ADGRL3: variants seen among roughly 807,000 people sequenced by gnomAD.
The protein encoded by ADGRL3 is adhesion G protein-coupled receptor L3.
ADGRL3 carries 62 observed loss-of-function variants against 153.5 expected under a neutral mutation model. The ratio of observed to expected loss-of-function variants is 0.40; its 90% CI spans 0.33 to 0.50. The LOEUF is 0.50. Among genes scored for constraint, ADGRL3 ranks in the 20% least tolerant of loss-of-function variants. ADGRL3 has a pLI of 0.47. For missense variants in ADGRL3, 1,641 were observed against 1,859.4 expected (o/e 0.88, Z 2.16); for synonymous variants, 710 against 672.5 (o/e 1.06, Z -0.86).
intron 2 of ADGRL3, among the ~76,000 whole-genome samples, chr4:61,494,871 T>C (rs1046153211): frequency 3.3e-5 from 5 of 152,172 alleles, no homozygotes; most frequent in Non-Finnish European, 5.9e-5. Flanking sequence ...AGTTAAATTA[T>C]CAAATGATCT....
At chr4:61,314,660 C>T (rs532585809) in intron 1 of ADGRL3, among the ~76,000 whole-genome samples, 1 of 152,142 alleles carries the variant, frequency 6.6e-6, no homozygotes, top group Non-Finnish European at 1.5e-5. Context: ...TTACTTCTGG[C>T]CCAGTGATTC....
intron 5 of ADGRL3, among the ~76,000 whole-genome samples, chr4:61,588,931 T>C (rs920795402): frequency 1.3e-5 from 2 of 152,114 alleles, no homozygotes; most frequent in Non-Finnish European, 2.9e-5. Context: ...TGCCTTTCTC[T>C]GATTCATTTT....
intron 2 of ADGRL3, among the ~76,000 whole-genome samples, chr4:61,472,206 A>G (rs1323153468): frequency 6.6e-6 from 1 of 152,168 alleles, no homozygotes; most frequent in Non-Finnish European, 1.5e-5. Context: ...ATAAGTGTTT[A>G]AACAATTACA....
chr4:61,703,213 T>C (rs114191982), intron 6 of ADGRL3, among the ~76,000 whole-genome samples: 2 of 152,236 alleles, frequency 1.3e-5, no homozygotes, highest in Non-Finnish European at 2.9e-5. Flanking sequence ...ATAGTATCTA[T>C]CTTATAAAAT....
intron 1 of ADGRL3, among the ~76,000 whole-genome samples, chr4:61,305,052 T>C (rs1030004608): frequency 1.3e-5 from 2 of 152,332 alleles, no homozygotes; most frequent in South Asian, 2.1e-4. Context: ...GAGAAGACTG[T>C]TTTATTCAAA....
intron 9 of ADGRL3, among the ~76,000 whole-genome samples, chr4:61,833,255 T>C (rs1278291828): frequency 6.6e-6 from 1 of 152,134 alleles, no homozygotes; most frequent in Admixed American, 6.6e-5. Context: ...TGGTTTATTT[T>C]GCATTAAAAA....
intron 4 of ADGRL3, among the ~76,000 whole-genome samples, chr4:61,537,606 G>T (rs1206327778): frequency 6.6e-6 from 1 of 151,734 alleles, no homozygotes; most frequent in Non-Finnish European, 1.5e-5. Context: ...TAATTCAAAA[G>T]ACAGGGCTCC....
intron 21 of ADGRL3, among the ~76,000 whole-genome samples, chr4:62,003,942 G>C (rs1025180683): frequency 1.2e-4 from 18 of 152,006 alleles, no homozygotes; most frequent in East Asian, 1.9e-4. Flanking sequence ...ATCTAAGAAG[G>C]CTTCTGAATC....
chr4:61,842,812 T>G (rs1052518753), intron 9 of ADGRL3, among the ~76,000 whole-genome samples: 9 of 152,304 alleles, frequency 5.9e-5, no homozygotes, highest in African/African-American at 2.2e-4. Flanking sequence ...TAGTATAATT[T>G]CATTGAAAAG....
At chr4:61,319,544 G>T (rs555094672) in intron 1 of ADGRL3, among the ~76,000 whole-genome samples, 1 of 152,278 alleles carries the variant, frequency 6.6e-6, no homozygotes, top group Non-Finnish European at 1.5e-5. Context: ...TTGATGAGCA[G>T]ATCTGAATAT....
At chr4:61,984,204 T>C (rs1024092964) in intron 19 of ADGRL3, among the ~76,000 whole-genome samples, 3 of 152,138 alleles carry the variant, frequency 2.0e-5, no homozygotes, top group African/African-American at 7.2e-5. Context: ...CATGTAACAG[T>C]TGAGATACCC....
At chr4:61,904,816 T>G (rs1339421900) in intron 11 of ADGRL3, among the ~76,000 whole-genome samples, 2 of 152,170 alleles carry the variant, frequency 1.3e-5, no homozygotes, top group African/African-American at 4.8e-5. Context: ...ATCCTTCGTT[T>G]TGAAGATATA....
chr4:61,208,787 G>C (rs1263743626), intron 1 of ADGRL3, among the ~76,000 whole-genome samples: 1 of 152,028 alleles, frequency 6.6e-6, no homozygotes, highest in Admixed American at 6.6e-5. Context: ...TATTAGAGAG[G>C]AAATCACTTT....
chr4:61,603,717 A>T (rs971947441), intron 5 of ADGRL3, among the ~76,000 whole-genome samples: 2 of 146,078 alleles, frequency 1.4e-5, no homozygotes, highest in Admixed American at 1.4e-4. Context: ...CATCCCTCTT[A>T]GTGTGTGTGT....
chr4:61,775,907 A>ATT (rs200207362), intron 8 of ADGRL3: 4 of 232,036 alleles, frequency 1.7e-5, no homozygotes, highest in Admixed American at 5.6e-5. Context: ...TTATTTATTT[A>ATT]TTTATTTTTT....
intron 1 of ADGRL3, among the ~76,000 whole-genome samples, chr4:61,356,293 T>C (rs944096480): frequency 1.1e-4 from 16 of 152,066 alleles, no homozygotes; most frequent in South Asian, 2.1e-4. Context: ...TTAAGAAATC[T>C]GTTATGCAGG....
At chr4:61,300,650 T>C (rs2094550316) in intron 1 of ADGRL3, among the ~76,000 whole-genome samples, 2 of 152,212 alleles carry the variant, frequency 1.3e-5, no homozygotes, top group Non-Finnish European at 2.9e-5. Flanking sequence ...TGTGGATGAA[T>C]GAGATGGCTC....
At chr4:61,597,991 C>T (rs950034732) in intron 5 of ADGRL3, among the ~76,000 whole-genome samples, 1 of 152,038 alleles carries the variant, frequency 6.6e-6, no homozygotes, top group Non-Finnish European at 1.5e-5. Context: ...CAAATTTTCT[C>T]TGCAGAATTT....
At chr4:61,521,930 T>C (rs2098533714) in intron 4 of ADGRL3, among the ~76,000 whole-genome samples, 1 of 152,284 alleles carries the variant, frequency 6.6e-6, no homozygotes, top group East Asian at 1.9e-4. Flanking sequence ...GTTATGTGTT[T>C]AGCATAAGTG....
Sources: allele counts gnomAD v4.1 joint callset (sites outside exome capture counted in the v4.1 genomes callset), GRCh38; gene constraint gnomAD v4.1.1; transcripts MANE v1.5; gene names NCBI Gene and HGNC (gene_info 2026-07-23, HGNC 2026-07-21).